Variants in NAALADL2 observed in about 807,000 individuals in gnomAD.
NAALADL2 encodes N-acetylated alpha-linked acidic dipeptidase like 2, also known as inactive N-acetylated-alpha-linked acidic dipeptidase-like protein 2.
Under a neutral mutation model 87.2 loss-of-function variants are expected in NAALADL2, and 76 were observed. The ratio of observed to expected loss-of-function variants is 0.87; its 90% CI spans 0.72 to 1.05. The LOEUF is 1.05. Ranked by LOEUF, NAALADL2 falls within the 50% of genes least tolerant of loss-of-function variation. The probability of loss-of-function intolerance (pLI) is 0.00; values close to 1 mark genes in which losing one functional copy is unlikely to be tolerated. For missense variants in NAALADL2, 1,089 were observed against 945.8 expected (o/e 1.15, Z -1.99); for synonymous variants, 354 against 331.0 (o/e 1.07, Z -0.75).
intron 3 of NAALADL2, among the ~76,000 whole-genome samples, chr3:174,786,750 G>A (rs1716728399): frequency 6.6e-6 from 1 of 152,002 alleles, no homozygotes; most frequent in Non-Finnish European, 1.5e-5. Context: ...GGGTTGCAGA[G>A]GAAACACAAG....
chr3:174,516,686 T>A (rs974373464), intron 1 of NAALADL2, among the ~76,000 whole-genome samples: 1 of 152,044 alleles, frequency 6.6e-6, no homozygotes, highest in East Asian at 1.9e-4. Flanking sequence ...CTAATACAAG[T>A]TTTTCATTTT....
intron 11 of NAALADL2, among the ~76,000 whole-genome samples, chr3:175,677,670 G>A (rs1048305446): frequency 2.6e-5 from 4 of 152,032 alleles, no homozygotes; most frequent in African/African-American, 9.7e-5. Context: ...CATTAAACCT[G>A]TGAACTTGTT....
chr3:174,863,616 T>C (rs7615431), intron 1 of NAALADL2, among the ~76,000 whole-genome samples: 2,911 of 152,010 alleles, frequency 0.019, 103 homozygotes, highest in African/African-American at 0.066. Flanking sequence ...AGCCTTAGTG[T>C]CTATGCTTCC....
intron 2 of NAALADL2, among the ~76,000 whole-genome samples, chr3:175,199,852 ATATATATATATATTTTTTTTTTTTT>A (rs1400974309): frequency 4.9e-4 from 9 of 18,326 alleles, no homozygotes; most frequent in African/African-American, 2.3e-3. Context: ...ATATATATAT[ATATATATATATATTTTTTTTTTTTT>A]TTTTTTTTTT....
At chr3:175,271,462 G>A (rs1356279117) in intron 4 of NAALADL2, among the ~76,000 whole-genome samples, 1 of 152,150 alleles carries the variant, frequency 6.6e-6, no homozygotes, top group African/African-American at 2.4e-5. Flanking sequence ...TATAAAATTA[G>A]GACCTTTTCC....
At chr3:175,114,059 C>T (rs2108512399) in intron 2 of NAALADL2, among the ~76,000 whole-genome samples, 1 of 151,670 alleles carries the variant, frequency 6.6e-6, no homozygotes, top group Non-Finnish European at 1.5e-5. Context: ...CGGCTTCATG[C>T]AAGTACCATT....
At chr3:175,301,293 C>T (rs1474936617) in intron 4 of NAALADL2, among the ~76,000 whole-genome samples, 1 of 152,084 alleles carries the variant, frequency 6.6e-6, no homozygotes, top group African/African-American at 2.4e-5. Flanking sequence ...AACCCCCCGA[C>T]AGGGATAGCA....
At chr3:175,479,955 T>C (rs553893375) in intron 9 of NAALADL2, among the ~76,000 whole-genome samples, 2 of 151,850 alleles carry the variant, frequency 1.3e-5, no homozygotes, top group African/African-American at 4.8e-5. Flanking sequence ...GGAAGAATTC[T>C]CAGATAGGAA....
At chr3:175,547,747 C>G (rs1181564569) in intron 9 of NAALADL2, among the ~76,000 whole-genome samples, 1 of 151,356 alleles carries the variant, frequency 6.6e-6, no homozygotes, top group South Asian at 2.1e-4. Context: ...GGGCAGAGGT[C>G]ACAGACACTT....
intron 6 of NAALADL2, among the ~76,000 whole-genome samples, chr3:175,455,997 C>A (rs977051878): frequency 1.3e-5 from 2 of 151,984 alleles, no homozygotes; most frequent in East Asian, 3.9e-4. Flanking sequence ...CTAACAAATG[C>A]TTACTTATTG....
At chr3:175,095,866 C>A (rs1305433344) in intron 1 of NAALADL2, among the ~76,000 whole-genome samples, 1 of 152,076 alleles carries the variant, frequency 6.6e-6, no homozygotes, top group Admixed American at 6.6e-5. Context: ...TCTTAATCTG[C>A]AGCCATAATA....
chr3:175,229,223 A>AT (rs1560195934), intron 2 of NAALADL2, among the ~76,000 whole-genome samples: 1 of 151,810 alleles, frequency 6.6e-6, no homozygotes, highest in Non-Finnish European at 1.5e-5. Flanking sequence ...CAAAAAAAAA[A>AT]GTTAAATCTC....
intron 1 of NAALADL2, among the ~76,000 whole-genome samples, chr3:175,013,847 T>C (rs548694880): frequency 6.6e-6 from 1 of 152,092 alleles, no homozygotes; most frequent in South Asian, 2.1e-4. Flanking sequence ...TTTTCATTCC[T>C]TAAGTTTTGA....
chr3:174,854,018 C>T (rs1381864840), intron 3 of NAALADL2, among the ~76,000 whole-genome samples: 1 of 152,132 alleles, frequency 6.6e-6, no homozygotes, highest in Non-Finnish European at 1.5e-5. Context: ...GTCCAGCTAT[C>T]TCACTGCTGG....
At chr3:174,616,348 C>G (rs1342794353) in intron 2 of NAALADL2, among the ~76,000 whole-genome samples, 1 of 151,814 alleles carries the variant, frequency 6.6e-6, no homozygotes, top group African/African-American at 2.4e-5. Context: ...ACACTGAAGA[C>G]CTTTGAAACA....
intron 5 of NAALADL2, among the ~76,000 whole-genome samples, chr3:175,365,728 C>T (rs1369369934): frequency 6.8e-6 from 1 of 146,846 alleles, no homozygotes; most frequent in East Asian, 2.0e-4. Flanking sequence ...ACATAGGATC[C>T]AAGACATGCT....
chr3:175,333,999 A>G (rs1267367365), intron 5 of NAALADL2, among the ~76,000 whole-genome samples: 2 of 152,156 alleles, frequency 1.3e-5, no homozygotes, highest in South Asian at 2.1e-4. Flanking sequence ...AAATTGTCCA[A>G]TATTTTGACA....
chr3:175,054,386 T>G (rs1711658536), intron 1 of NAALADL2, among the ~76,000 whole-genome samples: 2 of 152,182 alleles, frequency 1.3e-5, no homozygotes, highest in Non-Finnish European at 1.5e-5. Context: ...AAGGGCCAAT[T>G]TTTTGGAATT....
chr3:175,121,936 A>T (rs539603241), intron 2 of NAALADL2, among the ~76,000 whole-genome samples: 1 of 151,892 alleles, frequency 6.6e-6, no homozygotes, highest in East Asian at 1.9e-4. Flanking sequence ...TGTATCTGTG[A>T]TCTCTGCATT....
Sources: gnomAD v4.1 joint callset for allele counts (sites outside exome capture counted in the v4.1 genomes callset) on GRCh38, gnomAD v4.1.1 for gene constraint, MANE v1.5 for transcripts, NCBI Gene and HGNC (gene_info 2026-07-23, HGNC 2026-07-21) for gene names.